Variants in HMGB1 observed in about 807,000 individuals in gnomAD.
HMGB1 encodes high mobility group protein B1.
For synonymous variants in HMGB1, 81 were observed against 84.0 expected, an observed-to-expected ratio of 0.96 and a Z score of 0.19; for missense variants, 79 against 253.5, an observed-to-expected ratio of 0.31 and a Z score of 4.67.
rs150630064 is a variant in HMGB1, at chr13:30,487,101, A to G, written c.-14-23407T>C. 3.1e-3 allele frequency among the ~76,000 whole-genome samples: 465 copies of G among 152,384 alleles called. 3 individuals are homozygous for G. Among genetic ancestry groups the G allele is most frequent in the African/African-American group, 0.011 (440 of 41,594 alleles). ...GCCAGGGAGCTGAACAGCAGAGATCAATGCAGGTGAGTGTGAGAATGCAGT... is the reference window on the plus strand; with the variant it reads ...GCCAGGGAGCTGAACAGCAGAGATCGATGCAGGTGAGTGTGAGAATGCAGT... On this transcript the variant is annotated intron_variant, in intron 1 of 4. Coordinates refer to the HMGB1 transcript ENST00000405805.
chr13:30,580,923 T>C (rs114727196), intron 1 of HMGB1, among the ~76,000 whole-genome samples: 7 of 152,266 alleles, frequency 4.6e-5, no homozygotes, highest in African/African-American at 1.7e-4. Context: ...TCAGGAGCTA[T>C]AGGAGGCCAT....
chr13:30,538,494 CTTT>C (rs67714703), intron 1 of HMGB1, among the ~76,000 whole-genome samples: 12,187 of 63,778 alleles, frequency 0.19, 785 homozygotes, highest in Non-Finnish European at 0.27. Context: ...TTCTTTCTTT[CTTT>C]CTTTCTTTCT....
intron 1 of HMGB1, among the ~76,000 whole-genome samples, chr13:30,524,276 A>G (rs1182046505): frequency 6.6e-6 from 1 of 151,448 alleles, no homozygotes; most frequent in Non-Finnish European, 1.5e-5. Flanking sequence ...ACCATAGCAC[A>G]TGTATACCTA....
intron 1 of HMGB1, among the ~76,000 whole-genome samples, chr13:30,553,173 G>A (rs1431165700): frequency 1.3e-5 from 2 of 152,168 alleles, no homozygotes; most frequent in Non-Finnish European, 2.9e-5. Context: ...CATAATGGTT[G>A]CCAATTTGAA....
At chr13:30,578,641 T>C (rs1870767482) in intron 1 of HMGB1, among the ~76,000 whole-genome samples, 1 of 152,140 alleles carries the variant, frequency 6.6e-6, no homozygotes, top group Admixed American at 6.5e-5. Flanking sequence ...CTATCTTACA[T>C]ATCCTAGATT....
intron 1 of HMGB1, among the ~76,000 whole-genome samples, chr13:30,538,036 A>G: frequency 6.6e-6 from 1 of 152,198 alleles, no homozygotes; most frequent in Non-Finnish European, 1.5e-5. Context: ...GGAAATTCCA[A>G]TGAGCCCCTA....
intron 1 of HMGB1, among the ~76,000 whole-genome samples, chr13:30,501,941 T>C (rs1887743954): frequency 6.6e-6 from 1 of 152,200 alleles, no homozygotes; most frequent in Non-Finnish European, 1.5e-5. Flanking sequence ...AATAAATGAT[T>C]GTACATGCTT....
At chr13:30,507,862 G>C (rs1887903111) in intron 1 of HMGB1, among the ~76,000 whole-genome samples, 1 of 152,054 alleles carries the variant, frequency 6.6e-6, no homozygotes, top group Admixed American at 6.6e-5. Flanking sequence ...CAGGTGTGGT[G>C]GTGTGCACCT....
chr13:30,602,126 G>A (rs913024238), intron 1 of HMGB1, among the ~76,000 whole-genome samples: 3 of 152,062 alleles, frequency 2.0e-5, no homozygotes, highest in African/African-American at 4.8e-5. Flanking sequence ...CCTCAGACAT[G>A]TCACCGGGGA....
At chr13:30,493,813 C>T (rs1031040330) in intron 1 of HMGB1, among the ~76,000 whole-genome samples, 1 of 151,754 alleles carries the variant, frequency 6.6e-6, no homozygotes, top group Non-Finnish European at 1.5e-5. Context: ...TAGAACAAAA[C>T]AAAAACTCTT....
At chr13:30,514,396 C>T (rs570797309) in intron 1 of HMGB1, among the ~76,000 whole-genome samples, 101 of 148,250 alleles carry the variant, frequency 6.8e-4, no homozygotes, top group African/African-American at 2.1e-3. Context: ...ACTATGTTAC[C>T]GAGTTTGGAC....
intron 1 of HMGB1, among the ~76,000 whole-genome samples, chr13:30,492,944 T>G (rs1330340598): frequency 7.0e-6 from 1 of 142,428 alleles, no homozygotes; most frequent in Admixed American, 7.5e-5. Context: ...TGAGCCGAGG[T>G]CTTGCCACTG....
chr13:30,560,381 C>A (rs1869897637), intron 1 of HMGB1, among the ~76,000 whole-genome samples: 1 of 152,150 alleles, frequency 6.6e-6, no homozygotes, highest in Non-Finnish European at 1.5e-5. Context: ...TTAGCGAGAA[C>A]AATTCCATCA....
At chr13:30,609,541 A>G (rs1003482614) in intron 1 of HMGB1, among the ~76,000 whole-genome samples, 41 of 152,156 alleles carry the variant, frequency 2.7e-4, no homozygotes, top group African/African-American at 9.4e-4. Flanking sequence ...CCCTCCCTAC[A>G]TGCTCCTGCT....
rs536234963 is a variant in HMGB1, at chr13:30,459,953, G to T, written c.*1404C>A. The T allele has an allele frequency of 6.6e-6, 1 of 152,532 alleles. No individual in the cohort carries two copies. Among genetic ancestry groups the T allele is most frequent in the Non-Finnish European group, 1.5e-5 (1 of 68,000 alleles). 9.4% of individuals were successfully genotyped at this position (152,532 alleles called of 1,614,324 possible). On this transcript the variant is annotated 3_prime_UTR_variant, in exon 5 of 5. Transcript: ENST00000341423. Reference sequence around the variant, plus strand: ...ACAAATGCAAATGGAAAGAATCCAAGTCTAAATTATATAACAAAACAGCAC... The same window carrying T: ...ACAAATGCAAATGGAAAGAATCCAATTCTAAATTATATAACAAAACAGCAC...
chr13:30,551,920 A>G (rs757237025), intron 1 of HMGB1, among the ~76,000 whole-genome samples: 2 of 151,970 alleles, frequency 1.3e-5, no homozygotes, highest in Non-Finnish European at 2.9e-5. Flanking sequence ...TGTTGCCCAG[A>G]CTGGTCTCAA....
intron 1 of HMGB1, among the ~76,000 whole-genome samples, chr13:30,597,834 T>C (rs1453284805): frequency 6.6e-6 from 1 of 152,176 alleles, no homozygotes; most frequent in African/African-American, 2.4e-5. Flanking sequence ...CACATTTGAC[T>C]CATAGCCTGA....
intron 1 of HMGB1, among the ~76,000 whole-genome samples, chr13:30,580,766 C>T (rs1451671616): frequency 6.6e-6 from 1 of 152,176 alleles, no homozygotes; most frequent in Non-Finnish European, 1.5e-5. Flanking sequence ...TAGAATGATA[C>T]ATAAAGAGGC....
At chr13:30,489,061 T>C (rs1311081014) in intron 1 of HMGB1, among the ~76,000 whole-genome samples, 1 of 152,218 alleles carries the variant, frequency 6.6e-6, no homozygotes, top group African/African-American at 2.4e-5. Flanking sequence ...TTTATGTTGA[T>C]TGCCTTGGAG....
Sources: gnomAD v4.1 joint callset for allele counts (sites outside exome capture counted in the v4.1 genomes callset) on GRCh38, gnomAD v4.1.1 for gene constraint, MANE v1.5 for transcripts, NCBI Gene and HGNC (gene_info 2026-07-23, HGNC 2026-07-21) for gene names.